ADGRL3: variants seen among roughly 807,000 people sequenced by gnomAD.
ADGRL3 encodes the protein calcium-independent alpha-latrotoxin receptor 3.
ADGRL3 carries 62 observed loss-of-function variants against 153.5 expected under a neutral mutation model. The ratio of observed to expected loss-of-function variants is 0.40; its 90% CI spans 0.33 to 0.50. ADGRL3 has a LOEUF of 0.50. Among genes scored for constraint, ADGRL3 ranks in the 20% least tolerant of loss-of-function variants. The pLI is 0.47. For missense variants in ADGRL3, 1,641 were observed against 1,859.4 expected, an observed-to-expected ratio of 0.88 and a Z score of 2.16; for synonymous variants, 710 against 672.5, an observed-to-expected ratio of 1.06 and a Z score of -0.86.
At chr4:61,293,397 A>G (rs1249878668) in intron 1 of ADGRL3, among the ~76,000 whole-genome samples, 1 of 152,218 alleles carries the variant, frequency 6.6e-6, no homozygotes, top group Non-Finnish European at 1.5e-5. Context: ...TGTAAACCCT[A>G]TGATTTAAAA....
At chr4:61,226,629 G>A (rs1456746500) in intron 1 of ADGRL3, among the ~76,000 whole-genome samples, 4 of 152,090 alleles carry the variant, frequency 2.6e-5, no homozygotes, top group African/African-American at 9.7e-5. Flanking sequence ...GAATATATGT[G>A]ATCTCTGTTT....
intron 8 of ADGRL3, among the ~76,000 whole-genome samples, chr4:61,780,629 C>T (rs1190412581): frequency 6.6e-6 from 1 of 152,186 alleles, no homozygotes; most frequent in Non-Finnish European, 1.5e-5. Flanking sequence ...GTCTATAACA[C>T]ATGATGGATA....
At chr4:61,512,695 A>G (rs181350839) in intron 3 of ADGRL3, among the ~76,000 whole-genome samples, 1 of 152,150 alleles carries the variant, frequency 6.6e-6, no homozygotes, top group Non-Finnish European at 1.5e-5. Flanking sequence ...ATCATTTTAT[A>G]TAGAGATAGA....
intron 5 of ADGRL3, among the ~76,000 whole-genome samples, chr4:61,591,627 C>T (rs1207472435): frequency 6.6e-6 from 1 of 152,056 alleles, no homozygotes; most frequent in East Asian, 1.9e-4. Context: ...TGAATCTAGA[C>T]ATTTAAAAAT....
chr4:61,465,740 A>AT (rs1360567650), intron 2 of ADGRL3, among the ~76,000 whole-genome samples: 1 of 70,588 alleles, frequency 1.4e-5, no homozygotes, highest in African/African-American at 3.8e-5. Context: ...CTGACTCTGG[A>AT]TTTTAAAATT....
rs150930554 is a variant in ADGRL3, at chr4:62,046,618, T to C, written c.3814+2069T>C. On this transcript the variant is annotated intron_variant, in intron 25 of 26. Coordinates refer to ENST00000683033, the MANE Select transcript of ADGRL3 (RefSeq NM_001387552.1). ...GAAGGGTATACAATTTCTTGTGACG[T>C]TGAATAAATTAATTTAATGATGACT... 5.3e-3 allele frequency among the ~76,000 whole-genome samples: 809 copies of C among 152,066 alleles called. 7 individuals carry two copies. The highest frequency in any genetic ancestry group is 0.017 in the African/African-American group (704 of 41,556).
chr4:61,809,935 C>G (rs1020184920), intron 8 of ADGRL3, among the ~76,000 whole-genome samples: 1 of 151,900 alleles, frequency 6.6e-6, no homozygotes, highest in African/African-American at 2.4e-5. Flanking sequence ...TGTTATAATC[C>G]TCATTAAACA....
chr4:61,459,213 A>T (rs1257249895), intron 2 of ADGRL3, among the ~76,000 whole-genome samples: 2 of 151,854 alleles, frequency 1.3e-5, no homozygotes, highest in African/African-American at 4.8e-5. Flanking sequence ...ATATTTCATG[A>T]TATTCGATTC....
intron 1 of ADGRL3, among the ~76,000 whole-genome samples, chr4:61,247,069 A>AT (rs1757390582): frequency 6.6e-6 from 1 of 152,164 alleles, no homozygotes; most frequent in Admixed American, 6.6e-5. Context: ...AAGAGAAATA[A>AT]TTTTTTCTGT....
intron 1 of ADGRL3, among the ~76,000 whole-genome samples, chr4:61,313,848 C>T (rs1444992468): frequency 2.0e-5 from 3 of 152,120 alleles, no homozygotes; most frequent in African/African-American, 7.2e-5. Context: ...AGAGCACAGA[C>T]GGGAACGAGC....
At chr4:61,630,733 A>T (rs1463182664) in intron 5 of ADGRL3, among the ~76,000 whole-genome samples, 1 of 152,240 alleles carries the variant, frequency 6.6e-6, no homozygotes, top group African/African-American at 2.4e-5. Context: ...TCATGGTCAC[A>T]AAGTAGATAT....
At position 61,547,154 on chromosome 4, in the gene ADGRL3, A is replaced by G. The variant is rs548344932; in HGVS notation, c.259+29636A>G. Among the ~76,000 whole-genome samples the G allele has an allele frequency of 2.0e-5, 3 of 152,138 alleles. No homozygotes were observed. The East Asian group carries it at 5.8e-4, about 29-fold the overall frequency. On this transcript the variant is annotated intron_variant, in intron 4 of 26. Coordinates refer to ENST00000683033, the MANE Select transcript of ADGRL3 (RefSeq NM_001387552.1). ...GTAAATTATAATAAATTTAATGTAC[A>G]TTTCTGTATACATACATGTGTCTTT...
At chr4:61,274,798 G>A (rs565499317) in intron 1 of ADGRL3, among the ~76,000 whole-genome samples, 43 of 152,164 alleles carry the variant, frequency 2.8e-4, no homozygotes, top group African/African-American at 9.6e-4. Context: ...GCTTGGTGTG[G>A]TGGTGCACGC....
chr4:61,358,543 G>A (rs977087318), intron 1 of ADGRL3, among the ~76,000 whole-genome samples: 1 of 145,958 alleles, frequency 6.9e-6, no homozygotes, highest in East Asian at 2.1e-4. Flanking sequence ...CTTGCAGTGA[G>A]TGGAGATCGT....
At chr4:61,867,985 T>C (rs767977552) in intron 9 of ADGRL3, among the ~76,000 whole-genome samples, 3 of 152,180 alleles carry the variant, frequency 2.0e-5, no homozygotes, top group Non-Finnish European at 4.4e-5. Flanking sequence ...TTTATAGCTT[T>C]GATTTTCTTT....
intron 9 of ADGRL3, among the ~76,000 whole-genome samples, chr4:61,834,508 A>T (rs1351435303): frequency 6.6e-6 from 1 of 152,128 alleles, no homozygotes; most frequent in Non-Finnish European, 1.5e-5. Context: ...TGGTATTTCT[A>T]GTTCAAGATC....
Position 61,788,688 on chromosome 4 carries a change from T to C in ADGRL3, c.1400-25121T>C, listed in dbSNP as rs2167280. Among the ~76,000 whole-genome samples the C allele has an allele frequency of 1.1e-4, 17 of 151,972 alleles. No homozygotes were observed. In the South Asian group the frequency reaches 2.5e-3, roughly 22 times the overall value. ...GCAATGGATCCAAACCAAGAAGAAA[T>C]CTCTGAATTGCCAGAAAAAGAATTT... On this transcript the variant is annotated intron_variant, in intron 8 of 26. Coordinates refer to ENST00000683033, the MANE Select transcript of ADGRL3 (RefSeq NM_001387552.1).
chr4:61,927,420 T>C (rs2098799220), intron 13 of ADGRL3, among the ~76,000 whole-genome samples: 1 of 152,118 alleles, frequency 6.6e-6, no homozygotes, highest in Non-Finnish European at 1.5e-5. Flanking sequence ...GAAATTTTAG[T>C]TTCACCTTGT....
chr4:61,302,387 A>G (rs781756484), intron 1 of ADGRL3, among the ~76,000 whole-genome samples: 2 of 152,148 alleles, frequency 1.3e-5, no homozygotes, highest in Non-Finnish European at 2.9e-5. Flanking sequence ...TTTGAAGCAA[A>G]TGGTTTATAA....
Sources: allele counts gnomAD v4.1 joint callset (sites outside exome capture counted in the v4.1 genomes callset), GRCh38; gene constraint gnomAD v4.1.1; transcripts MANE v1.5; gene names NCBI Gene and HGNC (gene_info 2026-07-23, HGNC 2026-07-21).